The following RGS18 variants were observed in gnomAD, a reference collection of about 807,000 sequenced individuals.
RGS18 encodes the protein regulator of G protein signaling 18, also known as regulator of G-protein signaling 18.
Under a neutral mutation model 27.6 loss-of-function variants are expected in RGS18, and 22 were observed. That is an observed-to-expected ratio of 0.80 (90% confidence interval 0.57 to 1.14). The LOEUF is 1.14. Among genes scored for constraint, RGS18 ranks in the 50% most tolerant of loss-of-function variants. The probability of loss-of-function intolerance (pLI) is 0.00; values close to 1 mark genes in which losing one functional copy is unlikely to be tolerated. For synonymous variants in RGS18, 89 were observed against 84.6 expected (o/e 1.05, Z -0.29); for missense variants, 299 against 269.6 (o/e 1.11, Z -0.76).
chr1:192,160,581 T>C, intron 3 of RGS18, 142 bp downstream of exon 3: 2 of 523,520 alleles, frequency 3.8e-6, no homozygotes, highest in East Asian at 6.1e-5. Flanking sequence ...TCAACAGAAC[T>C]AAGTAATAGA....
intron 3 of RGS18, among the ~76,000 whole-genome samples, chr1:192,162,293 T>C (rs2102150679): frequency 6.6e-6 from 1 of 152,224 alleles, no homozygotes; most frequent in East Asian, 1.9e-4. Flanking sequence ...TTTTGGTTTG[T>C]TTGTTGTTTT....
At chr1:192,161,130 G>A (rs573004014) in intron 3 of RGS18, among the ~76,000 whole-genome samples, 11 of 152,320 alleles carry the variant, frequency 7.2e-5, no homozygotes, top group African/African-American at 1.9e-4. Flanking sequence ...GATTACAGGC[G>A]TGAACCACTG....
chr1:192,172,712 T>G (rs1287358856), intron 3 of RGS18, among the ~76,000 whole-genome samples: 1 of 151,646 alleles, frequency 6.6e-6, no homozygotes, highest in Admixed American at 6.6e-5. Flanking sequence ...GTGATTAGAT[T>G]GGCTCTACCT....
chr1:192,171,373 A>G (rs1656252846), intron 3 of RGS18, among the ~76,000 whole-genome samples: 1 of 152,098 alleles, frequency 6.6e-6, no homozygotes, highest in South Asian at 2.1e-4. Flanking sequence ...TTGACTAGAA[A>G]TTATCTTACT....
rs1368863725 is a variant in RGS18, at chr1:192,184,326, C to A, written c.480C>A (p.Val160=). ...ACCTTGATTTTCACACAAAAGAAGT[C>A]ATTACAAACAGCATCACTCAACCTA... is the stretch of plus-strand genomic sequence containing the variant. ...EVNLDFHTKE[V]ITNSITQPTL... The change falls in exon 5 of 5, where the codon GTC becomes GTA. Residue 160 remains valine, a synonymous_variant. Transcript: ENST00000367460. The A allele has an allele frequency of 1.2e-6, 2 of 1,609,764 alleles. No individual in the cohort carries two copies. The highest frequency in any genetic ancestry group is 2.7e-5 in the African/African-American group (2 of 74,644).
Position 192,184,493 on chromosome 1 carries a change from C to T in RGS18, c.647C>T (p.Ser216Leu). ...PQRPTNLRRR[S>L]RSFTCNEFQD... ...AGACCAACAAATCTTAGGAGACGAT[C>T]ACGCTCATTTACCTGCAATGAATTC... is the stretch of plus-strand genomic sequence containing the variant. Residue 216 changes from serine (S) to leucine (L), a missense_variant, in exon 5 of 5, where the codon TCA becomes TTA. Physicochemically the swap from Ser to Leu is moderately radical, Grantham distance 145. Coordinates refer to ENST00000367460, the MANE Select transcript of RGS18 (RefSeq NM_130782.3). The T allele has an allele frequency of 1.2e-6, 2 of 1,611,444 alleles. No individual in the cohort carries two copies. Among genetic ancestry groups the T allele is most frequent in the Non-Finnish European group, 1.7e-6 (2 of 1,178,324 alleles).
At chr1:192,163,133 CA>C (rs1480995443) in intron 3 of RGS18, 1 of 152,048 alleles carries the variant, frequency 6.6e-6, no homozygotes, top group Non-Finnish European at 1.5e-5. Flanking sequence ...TTTTTAGCTC[CA>C]ACAGAAATAG....
At chr1:192,172,568 A>C (rs546029679) in intron 3 of RGS18, among the ~76,000 whole-genome samples, 2 of 151,888 alleles carry the variant, frequency 1.3e-5, no homozygotes, top group Non-Finnish European at 2.9e-5. Flanking sequence ...TAAGACACCC[A>C]CCTTCCAGAA....
At chr1:192,171,590 G>T (rs1656258388) in intron 3 of RGS18, among the ~76,000 whole-genome samples, 1 of 152,044 alleles carries the variant, frequency 6.6e-6, no homozygotes, top group Non-Finnish European at 1.5e-5. Flanking sequence ...CCAATGAAGA[G>T]GCCGTGGTGC....
At chr1:192,181,013 T>C (rs1385773727) in intron 3 of RGS18, among the ~76,000 whole-genome samples, 1 of 151,484 alleles carries the variant, frequency 6.6e-6, no homozygotes, top group Non-Finnish European at 1.5e-5. Context: ...TAAAGTGAGG[T>C]CCACCGTAGG....
intron 4 of RGS18, among the ~76,000 whole-genome samples, chr1:192,183,596 A>G (rs1364047748): frequency 6.6e-6 from 1 of 151,632 alleles, no homozygotes; most frequent in African/African-American, 2.4e-5. Context: ...AGTCAAGAAT[A>G]GAGGAAAAAA....
intron 3 of RGS18, among the ~76,000 whole-genome samples, chr1:192,162,973 T>C (rs1169030751): frequency 6.6e-6 from 1 of 152,220 alleles, no homozygotes; most frequent in East Asian, 1.9e-4. Context: ...TGGAAAAGAA[T>C]ATAACTGAAT....
chr1:192,164,970 A>G (rs960125426), intron 3 of RGS18, among the ~76,000 whole-genome samples: 1 of 152,204 alleles, frequency 6.6e-6, no homozygotes, highest in Non-Finnish European at 1.5e-5. Context: ...AGCAATGTTC[A>G]GGGAACAAGG....
At chr1:192,161,018 T>C (rs1341432023) in intron 3 of RGS18, among the ~76,000 whole-genome samples, 1 of 152,004 alleles carries the variant, frequency 6.6e-6, no homozygotes, top group Non-Finnish European at 1.5e-5. Context: ...CCCGGCTAAT[T>C]TTTTTGTATT....
intron 1 of RGS18, 71 bp downstream of exon 1, chr1:192,158,827 CTT>C (rs1656018389): frequency 1.9e-6 from 2 of 1,056,958 alleles, no homozygotes; most frequent in African/African-American, 1.7e-5. Flanking sequence ...TTCATTACCT[CTT>C]GTTTTTGAAC....
rs1437946199 is a variant in RGS18 at position 192,185,620 on chromosome 1, T to A, written c.*1066T>A. The A allele has an allele frequency of 2.0e-5, 3 of 151,808 alleles. No individual in the cohort carries two copies. The East Asian group carries it at 5.8e-4, about 30-fold the overall frequency. 9.4% of individuals were successfully genotyped at this position (151,808 alleles called of 1,614,324 possible). Reference sequence around the variant, plus strand: ...CTCATACATCTATATGTCACTGTTTTAAAGAGATATTTAATTTTTAATGTG... The same window carrying A: ...CTCATACATCTATATGTCACTGTTTAAAAGAGATATTTAATTTTTAATGTG... On this transcript the variant is annotated 3_prime_UTR_variant, in exon 5 of 5. Transcript: ENST00000367460.
intron 2 of RGS18, 116 bp from the exon 3 acceptor site, chr1:192,160,262 C>A: frequency 4.2e-6 from 2 of 480,728 alleles, no homozygotes; most frequent in South Asian, 5.9e-5. Flanking sequence ...ATATTATAAT[C>A]AAAGGAGAAA....
At chr1:192,183,921 A>G (rs1422589545) in intron 4 of RGS18, among the ~76,000 whole-genome samples, 2 of 151,608 alleles carry the variant, frequency 1.3e-5, no homozygotes, top group East Asian at 3.9e-4. Context: ...ATCATGGCAA[A>G]AGGCAGAGGG....
chr1:192,179,101 C>A (rs1656405443), intron 3 of RGS18, among the ~76,000 whole-genome samples: 2 of 151,498 alleles, frequency 1.3e-5, no homozygotes, highest in African/African-American at 4.8e-5. Context: ...CACAAACAAA[C>A]AATCACACAG....
Sources: gnomAD v4.1 joint callset for allele counts (sites outside exome capture counted in the v4.1 genomes callset) on GRCh38, gnomAD v4.1.1 for gene constraint, MANE v1.5 for transcripts, NCBI Gene and HGNC (gene_info 2026-07-23, HGNC 2026-07-21) for gene names.